Variants in EAPP observed in about 807,000 individuals in gnomAD.
EAPP encodes E2F associated phosphoprotein, also known as E2F-associated phosphoprotein.
In EAPP, 38 loss-of-function variants were observed where a neutral mutation model predicts 34.3. The observed-to-expected ratio is 1.11, with a 90% CI of 0.85 to 1.45. The LOEUF (loss-of-function observed/expected upper bound fraction) is 1.45. Among genes scored for constraint, EAPP ranks in the 40% most tolerant of loss-of-function variants. EAPP has a pLI of 0.00. For missense variants in EAPP, 338 were observed against 343.7 expected (o/e 0.98, Z 0.13); for synonymous variants, 113 against 117.6 (o/e 0.96, Z 0.25).
intron 2 of EAPP, among the ~76,000 whole-genome samples, chr14:34,533,918 T>C (rs942891920): frequency 3.9e-5 from 6 of 152,154 alleles, no homozygotes; most frequent in Non-Finnish European, 8.8e-5. Context: ...AAGAACCCTA[T>C]AGGAAGGCAG....
At chr14:34,523,090 C>A (rs1432341392) in intron 5 of EAPP, among the ~76,000 whole-genome samples, 1 of 152,020 alleles carries the variant, frequency 6.6e-6, no homozygotes, top group East Asian at 1.9e-4. Context: ...TTTTACTTCT[C>A]TGTGGCCCTA....
rs369449040 is a variant in EAPP at position 34,523,287 on chromosome 14, G to C, written c.581+1410C>G. ...GAGTCTCGCTCTGTTGCCCAGGCTG[G>C]AGTGCAGCGGCGTGACCTCGGCTCA... On this transcript the variant is annotated intron_variant, in intron 5 of 5. Coordinates refer to ENST00000250454, the MANE Select transcript of EAPP (RefSeq NM_018453.4). Among the ~76,000 whole-genome samples the C allele has an allele frequency of 9.9e-5, 15 of 151,190 alleles. No homozygotes were observed. In the East Asian group the frequency reaches 1.8e-3, roughly 18 times the overall value.
chr14:34,536,000 T>A, intron 2 of EAPP, 94 bp downstream of exon 2: 1 of 812,360 alleles, frequency 1.2e-6, no homozygotes, highest in Non-Finnish European at 1.9e-6. Context: ...ATTGAGCACC[T>A]ACTGAAAGTG....
At chr14:34,527,139 G>C (rs981515154) in intron 4 of EAPP, among the ~76,000 whole-genome samples, 1 of 137,142 alleles carries the variant, frequency 7.3e-6, no homozygotes, top group African/African-American at 2.7e-5. Flanking sequence ...TTGCACTCCA[G>C]CCTGGGCAAC....
At chr14:34,539,124 A>C (rs1880571263) in intron 1 of EAPP, 1 of 286,798 alleles carries the variant, frequency 3.5e-6, no homozygotes, top group Admixed American at 4.3e-5. Context: ...TTAGTCTTCA[A>C]GATGGACACT....
chr14:34,524,071 C>T (rs572007165), intron 5 of EAPP, among the ~76,000 whole-genome samples: 133 of 151,782 alleles, frequency 8.8e-4, no homozygotes, highest in Non-Finnish European at 1.5e-3. Context: ...ACCTGGCCAA[C>T]ATGGTGTGAC....
chr14:34,536,853 A>G (rs1322776042), intron 1 of EAPP, among the ~76,000 whole-genome samples: 4 of 152,098 alleles, frequency 2.6e-5, no homozygotes. Context: ...AGCTGGGATT[A>G]CAGGATTCAG....
At chr14:34,537,524 T>G in intron 1 of EAPP, among the ~76,000 whole-genome samples, 1 of 152,212 alleles carries the variant, frequency 6.6e-6, no homozygotes, top group East Asian at 1.9e-4. Flanking sequence ...ATGCCAAGAA[T>G]GCAAGGTTCT....
At chr14:34,533,362 G>T in intron 3 of EAPP, 82 bp downstream of exon 3, 2 of 1,201,268 alleles carry the variant, frequency 1.7e-6, no homozygotes, top group South Asian at 1.3e-5. Flanking sequence ...CAAACTCAGA[G>T]GGAAATCCTA....
rs202044660 is a variant in EAPP at position 34,516,328 on chromosome 14, A to C, written c.840T>G (p.Val280=). 1.4e-5 allele frequency: 22 copies of C among 1,612,346 alleles called. No individual in the cohort carries two copies. The highest frequency in any genetic ancestry group is 1.7e-4 in the Middle Eastern group (1 of 6,046). ...DKDEVFHFFN[V]LASHS ...GGGCTGTTTAGGAATGGCTTGCTAA[A>C]ACATTGAAAAAATGAAAGACTTCAT... Residue 280 remains valine, a synonymous_variant, in exon 6 of 6, where the codon GTT becomes GTG. Transcript: ENST00000250454.
chr14:34,530,015 T>C (rs1880230292), intron 3 of EAPP, among the ~76,000 whole-genome samples: 1 of 74,654 alleles, frequency 1.3e-5, no homozygotes, highest in Non-Finnish European at 3.0e-5. Context: ...AGACTCCGTT[T>C]CAAAGAAAAA....
At chr14:34,535,674 C>T (rs918987073) in intron 2 of EAPP, among the ~76,000 whole-genome samples, 20 of 151,684 alleles carry the variant, frequency 1.3e-4, no homozygotes, top group Non-Finnish European at 2.5e-4. Context: ...CCTCGTGATC[C>T]GCCCGCCTCG....
chr14:34,538,116 G>T (rs917557133), intron 1 of EAPP, among the ~76,000 whole-genome samples: 2 of 152,164 alleles, frequency 1.3e-5, no homozygotes, highest in Non-Finnish European at 2.9e-5. Flanking sequence ...CGTGGCTCAG[G>T]CCTGTAATCC....
Position 34,539,601 on chromosome 14 carries a change from G to A in EAPP, c.28C>T (p.Pro10Ser), listed in dbSNP as rs891713883. The part of the protein sequence containing the change: MNRLPDDYD[P>S]YAVEEPSDEE... ...TCGCTAGGCTCTTCAACCGCGTAGG[G>A]GTCGTAGTCATCCGGAAGCCGGTTC... Residue 10 changes from proline to serine, a missense_variant, in exon 1 of 6, where the codon CCC becomes TCC. Pro to Ser is a moderately conservative substitution (Grantham distance 74). Transcript: ENST00000250454. 1.0e-5 allele frequency: 16 copies of A among 1,585,474 alleles called. No individual in the cohort carries two copies. The highest frequency in any genetic ancestry group is 1.4e-5 in the Non-Finnish European group (16 of 1,164,334).
intron 2 of EAPP, among the ~76,000 whole-genome samples, chr14:34,534,698 G>A (rs1406601698): frequency 6.6e-6 from 1 of 151,770 alleles, no homozygotes; most frequent in Non-Finnish European, 1.5e-5. Flanking sequence ...AAGAACACAA[G>A]ACAGTCATCA....
intron 4 of EAPP, among the ~76,000 whole-genome samples, chr14:34,525,018 A>G (rs1266593214): frequency 1.3e-5 from 2 of 152,182 alleles, no homozygotes. Flanking sequence ...TGGTTATGAC[A>G]AAGGGAAACA....
Position 34,526,280 on chromosome 14 carries a change from T to G in EAPP, c.471-1473A>C, listed in dbSNP as rs573971768. On this transcript the variant is annotated intron_variant, in intron 4 of 5. Coordinates refer to ENST00000250454, the MANE Select transcript of EAPP (RefSeq NM_018453.4). ...CCCGTCTCTACTAAAAATACAAAAA[T>G]TAGCTAGGCATGGTGGCGGGTACCT... is the stretch of plus-strand genomic sequence containing the variant. Among the ~76,000 whole-genome samples the G allele has an allele frequency of 1.1e-4, 17 of 148,818 alleles. No individual in the cohort carries two copies. The South Asian group carries it at 3.6e-3, about 32-fold the overall frequency.
intron 4 of EAPP, among the ~76,000 whole-genome samples, chr14:34,528,860 G>T (rs55858014): frequency 0.39 from 59,566 of 151,724 alleles, 12,865 homozygotes; most frequent in East Asian, 0.68. Flanking sequence ...TGTCGGGCTG[G>T]ATGCAGTGGC....
intron 4 of EAPP, among the ~76,000 whole-genome samples, chr14:34,528,452 C>CA (rs1176756113): frequency 1.8e-5 from 2 of 112,930 alleles, no homozygotes; most frequent in Non-Finnish European, 3.3e-5. Context: ...GATAGGGTCT[C>CA]ATTCTGTCGT....
Sources: gnomAD v4.1 joint callset for allele counts (sites outside exome capture counted in the v4.1 genomes callset) on GRCh38, gnomAD v4.1.1 for gene constraint, MANE v1.5 for transcripts, NCBI Gene and HGNC (gene_info 2026-07-23, HGNC 2026-07-21) for gene names.